The following SLC2A9 variants were observed in gnomAD, a reference collection of about 807,000 sequenced individuals.
SLC2A9 encodes solute carrier family 2 member 9.
A neutral mutation model predicts 50.6 loss-of-function variants in SLC2A9; 39 were observed. The ratio of observed to expected loss-of-function variants is 0.77; its 90% confidence interval spans 0.60 to 1.01. The LOEUF (loss-of-function observed/expected upper bound fraction) is 1.01. SLC2A9 is among the 50% of genes least tolerant of loss of function. The pLI is 0.00. For synonymous variants in SLC2A9, 324 were observed against 276.9 expected (o/e 1.17, Z -1.69); for missense variants, 686 against 677.6 (o/e 1.01, Z -0.14).
chr4:9,857,798 CCAAA>C (rs1455718370), intron 10 of SLC2A9, among the ~76,000 whole-genome samples: 4 of 152,216 alleles, frequency 2.6e-5, no homozygotes, highest in Admixed American at 1.3e-4. Flanking sequence ...GGATCACCCC[CCAAA>C]CAGACTGCCT....
At chr4:9,812,723 C>T (rs1175018607) in intron 3 of SLC2A9, among the ~76,000 whole-genome samples, 5 of 152,128 alleles carry the variant, frequency 3.3e-5, no homozygotes, top group East Asian at 1.9e-4. Flanking sequence ...TTTGGGCTTT[C>T]GACACACTCT....
intron 3 of SLC2A9, among the ~76,000 whole-genome samples, chr4:9,806,292 G>A (rs1722104618): frequency 1.3e-5 from 2 of 152,230 alleles, no homozygotes; most frequent in Admixed American, 6.5e-5. Flanking sequence ...AGGGAAAACC[G>A]CTTAAGGCGT....
chr4:10,023,416 T>C (rs1763643640), upstream of SLC2A9, among the ~76,000 whole-genome samples: 1 of 152,190 alleles, frequency 6.6e-6, no homozygotes, highest in Non-Finnish European at 1.5e-5. Flanking sequence ...GTGACTCCCC[T>C]CTCTATACCC....
At position 9,885,626 on chromosome 4, in the gene SLC2A9, G is replaced by C. The variant is rs139906968; in HGVS notation, c.1291+1941C>G. Among the ~76,000 whole-genome samples the C allele has an allele frequency of 3.4e-3, 516 of 152,316 alleles. 2 individuals are homozygous for C. Among genetic ancestry groups the C allele is most frequent in the African/African-American group, 9.1e-3 (380 of 41,566 alleles). ...TTTATTCCCTCTCTAACAAGTACTTGTGGAGCCTTACTATGTCTTCAGCAC... is the reference window on the plus strand; with the variant it reads ...TTTATTCCCTCTCTAACAAGTACTTCTGGAGCCTTACTATGTCTTCAGCAC... On this transcript the variant is annotated intron_variant, in intron 10 of 11. Transcript: ENST00000264784.
intron 10 of SLC2A9, among the ~76,000 whole-genome samples, chr4:9,873,923 T>C (rs938517788): frequency 5.3e-5 from 8 of 152,202 alleles, no homozygotes; most frequent in African/African-American, 1.9e-4. Flanking sequence ...TTACCTCTGG[T>C]TTATTCCCTC....
intron 6 of SLC2A9, among the ~76,000 whole-genome samples, chr4:9,927,126 T>C (rs1745053360): frequency 6.6e-6 from 1 of 151,730 alleles, no homozygotes; most frequent in South Asian, 2.1e-4. Flanking sequence ...GCCTCCCAGA[T>C]TCAAGTGATT....
intron 10 of SLC2A9, among the ~76,000 whole-genome samples, chr4:9,863,095 T>C (rs908415148): frequency 1.8e-4 from 28 of 152,064 alleles, no homozygotes; most frequent in Admixed American, 1.8e-3. Flanking sequence ...TCTCTGACTC[T>C]ACTTCTGTGT....
chr4:10,022,643 A>G (rs115048086), upstream of SLC2A9, among the ~76,000 whole-genome samples: 796 of 152,364 alleles, frequency 5.2e-3, 7 homozygotes, highest in Middle Eastern at 0.02. Context: ...CAGAACGTCC[A>G]GGAGGCAAGG....
chr4:9,806,725 C>T (rs1365399543), intron 3 of SLC2A9, among the ~76,000 whole-genome samples: 1 of 152,114 alleles, frequency 6.6e-6, no homozygotes, highest in East Asian at 1.9e-4. Context: ...ATATAGAGTG[C>T]CTAGCTTCAC....
chr4:9,799,668 C>A (rs1445416636), intron 3 of SLC2A9, among the ~76,000 whole-genome samples: 1 of 145,688 alleles, frequency 6.9e-6, no homozygotes, highest in Non-Finnish European at 1.5e-5. Flanking sequence ...GCAAGTGCAG[C>A]TTTCTGAGCT....
chr4:9,819,041 C>T (rs1385073995), intron 3 of SLC2A9, among the ~76,000 whole-genome samples: 9 of 146,322 alleles, frequency 6.2e-5, no homozygotes, highest in African/African-American at 2.4e-4. Context: ...ATGGCGTGAA[C>T]CTGGGAGGTG....
intron 5 of SLC2A9, among the ~76,000 whole-genome samples, chr4:9,968,840 A>AT (rs1020741009): frequency 6.6e-6 from 1 of 152,070 alleles, no homozygotes; most frequent in Admixed American, 6.6e-5. Context: ...CCTTTACTAA[A>AT]TTTTTTTATT....
chr4:9,962,409 C>T (rs1019985329), intron 5 of SLC2A9, among the ~76,000 whole-genome samples: 1 of 152,314 alleles, frequency 6.6e-6, no homozygotes, highest in Non-Finnish European at 1.5e-5. Flanking sequence ...AAAATCATAT[C>T]CTTTGCAGGG....
chr4:10,015,439 ATGAAATGAAGG>A (rs1560492845), intron 2 of SLC2A9, among the ~76,000 whole-genome samples: 1 of 152,196 alleles, frequency 6.6e-6, no homozygotes, highest in East Asian at 1.9e-4. Flanking sequence ...TTCTTTGTTC[ATGAAATGAAGG>A]TAACATCAGT....
chr4:9,850,479 C>T (rs1256864833), intron 10 of SLC2A9, among the ~76,000 whole-genome samples: 1 of 152,112 alleles, frequency 6.6e-6, no homozygotes, highest in Non-Finnish European at 1.5e-5. Context: ...ATTCTGAATG[C>T]CCCCCATCTG....
At chr4:9,942,520 A>G (rs1487422157) in intron 5 of SLC2A9, among the ~76,000 whole-genome samples, 2 of 152,232 alleles carry the variant, frequency 1.3e-5, no homozygotes, top group African/African-American at 4.8e-5. Flanking sequence ...CTCAGTGAGG[A>G]CACAAGAAGG....
chr4:9,942,763 A>G (rs1748414059), intron 5 of SLC2A9, among the ~76,000 whole-genome samples: 1 of 152,212 alleles, frequency 6.6e-6, no homozygotes, highest in African/African-American at 2.4e-5. Flanking sequence ...TCAAGGTAGT[A>G]TTCGTCCTAA....
intron 1 of SLC2A9, among the ~76,000 whole-genome samples, chr4:10,028,023 C>G (rs935457749): frequency 4.6e-5 from 7 of 152,164 alleles, no homozygotes; most frequent in African/African-American, 1.2e-4. Flanking sequence ...TGCAGCCTCC[C>G]CATTGATTTG....
intron 11 of SLC2A9, among the ~76,000 whole-genome samples, chr4:9,828,678 C>A (rs1458098391): frequency 6.6e-6 from 1 of 152,208 alleles, no homozygotes; most frequent in Non-Finnish European, 1.5e-5. Flanking sequence ...CTTTCTTACT[C>A]CTCTTCATCC....
Sources: gnomAD v4.1 joint callset for allele counts (sites outside exome capture counted in the v4.1 genomes callset) on GRCh38, gnomAD v4.1.1 for gene constraint, MANE v1.5 for transcripts, NCBI Gene and HGNC (gene_info 2026-07-23, HGNC 2026-07-21) for gene names.